ARL1: variants seen among roughly 807,000 people sequenced by gnomAD.
ARL1 encodes ADP-ribosylation factor-like protein 1.
In ARL1, 17 loss-of-function variants were observed where a neutral mutation model predicts 30.1. The ratio of observed to expected loss-of-function variants is 0.56; its 90% CI spans 0.39 to 0.85. The LOEUF (loss-of-function observed/expected upper bound fraction) is 0.85, where lower values mean the gene tolerates loss of function less well. Among genes scored for constraint, ARL1 ranks in the 40% least tolerant of loss-of-function variants. The probability of loss-of-function intolerance (pLI) is 0.00; values close to 1 mark genes in which losing one functional copy is unlikely to be tolerated. For missense variants in ARL1, 102 were observed against 212.6 expected (o/e 0.48, Z 3.24); for synonymous variants, 58 against 71.7 (o/e 0.81, Z 0.97).
In ARL1 at chr12:101,401,050, AC is replaced by A. The variant is rs757196523; in HGVS notation, c.336+11del. ...GACTGCCCCACATTTTAAAGTGGTT[AC>A]GTTTTCTTACCTCCAACATGGCAAC... On this transcript the variant is annotated intron_variant, in intron 4 of 5. Coordinates refer to ENST00000261636, the MANE Select transcript of ARL1 (RefSeq NM_001177.6). The A allele has an allele frequency of 1.3e-6, 2 of 1,578,704 alleles. No individual in the cohort carries two copies. Among genetic ancestry groups the A allele is most frequent in the African/African-American group, 1.3e-5 (1 of 74,286 alleles).
At position 101,407,653 on chromosome 12, in the gene ARL1, C is replaced by CCCCTGTCCT. The variant is rs1871485456; in HGVS notation, c.-17_-9dup. 6.8e-6 allele frequency: 11 copies of CCCCTGTCCT among 1,612,268 alleles called. No homozygotes were observed. Among genetic ancestry groups the CCCCTGTCCT allele is most frequent in the Non-Finnish European group, 9.3e-6 (11 of 1,179,798 alleles). ...CTCGAACCCCTCACCCATGATGAAC[C>CCCCTGTCCT]CCCTGTCCTCCCTCGCCGATCTTCA... On this transcript the variant is annotated 5_prime_UTR_variant, in exon 1 of 6. Coordinates refer to ENST00000261636, the MANE Select transcript of ARL1 (RefSeq NM_001177.6).
At chr12:101,404,466 T>C (rs1051708448) in intron 2 of ARL1, among the ~76,000 whole-genome samples, 1 of 152,206 alleles carries the variant, frequency 6.6e-6, no homozygotes, top group African/African-American at 2.4e-5. Context: ...CTGCAGGAGA[T>C]GCCCAGACAG....
intron 5 of ARL1, chr12:101,396,011 AG>A: frequency 1.9e-6 from 1 of 534,234 alleles, no homozygotes; most frequent in Non-Finnish European, 3.3e-6. Flanking sequence ...CAGCAAAACA[AG>A]TACTATGTCA....
chr12:101,405,889 T>C lies in ARL1; in HGVS notation c.97A>G (p.Ile33Val), dbSNP rs747900626. 1.3e-6 allele frequency: 2 copies of C among 1,566,056 alleles called. No homozygotes were observed. The highest frequency in any genetic ancestry group is 1.7e-6 in the Non-Finnish European group (2 of 1,153,550). Residue 33 changes from isoleucine (I) to valine (V), a missense_variant, in exon 2 of 6, where the codon ATT becomes GTT. Coordinates refer to ENST00000261636, the MANE Select transcript of ARL1 (RefSeq NM_001177.6). ...LGLDGAGKTT[I>V]LYRLQVGEVV... ...TCTCCCACTTGTAATCTGTACAAAATTGTGGTTTTTCCTGCTCCATCTAAT... is the reference window on the plus strand; with the variant it reads ...TCTCCCACTTGTAATCTGTACAAAACTGTGGTTTTTCCTGCTCCATCTAAT...
chr12:101,401,993 TA>T (rs1005450556), intron 3 of ARL1, among the ~76,000 whole-genome samples: 5 of 150,790 alleles, frequency 3.3e-5, no homozygotes, highest in African/African-American at 9.7e-5. Flanking sequence ...CTGCACAATT[TA>T]AAAAAAAAGA....
intron 5 of ARL1, 145 bp from the exon 6 acceptor site, chr12:101,395,815 C>T (rs1342720458): frequency 1.7e-6 from 1 of 590,158 alleles, no homozygotes; most frequent in Admixed American, 3.1e-5. Flanking sequence ...ACTAGATATC[C>T]ATAAGGTTCC....
At chr12:101,405,780 G>T (rs1871424134) in intron 2 of ARL1, 64 bp downstream of exon 2, 3 of 1,458,766 alleles carry the variant, frequency 2.1e-6, no homozygotes, top group South Asian at 2.9e-5. Flanking sequence ...AAGAAAGAAA[G>T]AAATAGTTAT....
intron 2 of ARL1, among the ~76,000 whole-genome samples, chr12:101,405,154 AGCTCCT>A (rs1175790626): frequency 6.6e-6 from 1 of 152,190 alleles, no homozygotes; most frequent in African/African-American, 2.4e-5. Flanking sequence ...TACAGGCGTG[AGCTCCT>A]GTGCCCGGCC....
chr12:101,401,369 G>A, intron 3 of ARL1, 196 bp from the exon 4 acceptor site: 1 of 425,592 alleles, frequency 2.3e-6, no homozygotes, highest in Non-Finnish European at 4.2e-6. Flanking sequence ...GGGCACGGTG[G>A]CTCACATCTG....
In ARL1 at chr12:101,405,997, A is replaced by C. The variant is rs1237013972; in HGVS notation, c.5-16T>G. ...AAAAAGCCACCTAAAAAATAATAAA[A>C]GAAAAAACATACACAATGTCATTTT... is the stretch of plus-strand genomic sequence containing the variant. On this transcript the variant is annotated splice_polypyrimidine_tract_variant and intron_variant, in intron 1 of 5. Coordinates refer to ENST00000261636, the MANE Select transcript of ARL1 (RefSeq NM_001177.6). 7 of 1,545,688 alleles carry C rather than the reference A, an allele frequency of 4.5e-6. No homozygotes were observed.
At chr12:101,398,682 C>G (rs1565814893) in intron 4 of ARL1, among the ~76,000 whole-genome samples, 2 of 152,076 alleles carry the variant, frequency 1.3e-5, no homozygotes, top group African/African-American at 4.8e-5. Context: ...AAGTGATCCA[C>G]CTGCCTCGGC....
At chr12:101,398,741 G>GGATCACT in intron 4 of ARL1, among the ~76,000 whole-genome samples, 2 of 152,062 alleles carry the variant, frequency 1.3e-5, no homozygotes, top group African/African-American at 4.8e-5. Context: ...CCTGGCCTGT[G>GGATCACT]TCTATATGTT....
At position 101,395,595 on chromosome 12, in the gene ARL1, G is replaced by A; in HGVS notation, c.*45C>T. ...GTACACTTGACTGTTTCCAAAGGGA[G>A]AGAGGTGATGTAGTCTTCATTTCAG... On this transcript the variant is annotated 3_prime_UTR_variant, in exon 6 of 6. Transcript: ENST00000261636. The A allele has an allele frequency of 1.3e-6, 2 of 1,508,904 alleles. No individual in the cohort carries two copies. Among genetic ancestry groups the A allele is most frequent in the East Asian group, 4.6e-5 (2 of 43,034 alleles). 93.5% of individuals were successfully genotyped at this position (1,508,904 alleles called of 1,614,324 possible). A position where few individuals can be genotyped will look rare whatever the true frequency, so the allele number is the denominator to read the frequency against.
At chr12:101,407,409 G>C in intron 1 of ARL1, 1 of 515,704 alleles carries the variant, frequency 1.9e-6, no homozygotes, top group South Asian at 3.1e-5. Context: ...AAGCTGTCCG[G>C]GTCCCTGGAC....
At chr12:101,399,644 C>T (rs1871250963) in intron 4 of ARL1, among the ~76,000 whole-genome samples, 2 of 151,452 alleles carry the variant, frequency 1.3e-5, no homozygotes, top group African/African-American at 4.9e-5. Context: ...ATTCAGAATC[C>T]AGTTTTTGAC....
At chr12:101,404,010 CT>C in intron 2 of ARL1, among the ~76,000 whole-genome samples, 1 of 152,108 alleles carries the variant, frequency 6.6e-6, no homozygotes, top group East Asian at 1.9e-4. Context: ...GGACAATTAG[CT>C]TTTGTTTTAT....
At chr12:101,407,790 A>T (rs942585029), upstream of ARL1, 23 of 1,205,880 alleles carry the variant, frequency 1.9e-5, no homozygotes, top group Non-Finnish European at 2.5e-5. Flanking sequence ...GTCAGCTGCG[A>T]CTGCGCGCCG....
chr12:101,394,583 A>C lies in ARL1; in HGVS notation c.*1057T>G, dbSNP rs1244189632. On this transcript the variant is annotated 3_prime_UTR_variant, in exon 6 of 6. Transcript: ENST00000261636. ...TGTCCAATTACATGTAGATAAAAGGAATGAAAACCAGTAAAGACACCTTTT... is the reference window on the plus strand; with the variant it reads ...TGTCCAATTACATGTAGATAAAAGGCATGAAAACCAGTAAAGACACCTTTT... 6.6e-6 allele frequency: 1 copy of C among 152,216 alleles called. No individual in the cohort carries two copies. Among genetic ancestry groups the C allele is most frequent in the Admixed American group, 6.5e-5 (1 of 15,270 alleles). 9.4% of individuals were successfully genotyped at this position (152,216 alleles called of 1,614,324 possible).
intron 4 of ARL1, among the ~76,000 whole-genome samples, chr12:101,397,060 G>C (rs544623157): frequency 6.6e-6 from 1 of 152,214 alleles, no homozygotes; most frequent in South Asian, 2.1e-4. Flanking sequence ...AAGTGACAGG[G>C]TCTTTATACA....
Sources: allele counts gnomAD v4.1 joint callset (sites outside exome capture counted in the v4.1 genomes callset), GRCh38; gene constraint gnomAD v4.1.1; transcripts MANE v1.5; gene names NCBI Gene and HGNC (gene_info 2026-07-23, HGNC 2026-07-21).